Variants in MTHFD1L observed in about 807,000 individuals in gnomAD.
MTHFD1L encodes monofunctional C1-tetrahydrofolate synthase, mitochondrial.
In MTHFD1L, 81 loss-of-function variants were observed where a neutral mutation model predicts 119.5. The observed-to-expected ratio is 0.68, with a 90% CI of 0.57 to 0.82. The LOEUF (loss-of-function observed/expected upper bound fraction) is 0.82. Among genes scored for constraint, MTHFD1L ranks in the 40% least tolerant of loss-of-function variants. The pLI, the probability that MTHFD1L is intolerant of heterozygous loss-of-function variation, is 0.00. For synonymous variants in MTHFD1L, 430 were observed against 475.2 expected, an observed-to-expected ratio of 0.90 and a Z score of 1.24; for missense variants, 1,125 against 1,253.4, an observed-to-expected ratio of 0.90 and a Z score of 1.55.
chr6:150,868,516 T>C (rs1156464198), intron 1 of MTHFD1L, among the ~76,000 whole-genome samples: 1 of 151,446 alleles, frequency 6.6e-6, no homozygotes, highest in African/African-American at 2.4e-5. Flanking sequence ...ATTTTGTGTT[T>C]TTAGTAGAGA....
intron 24 of MTHFD1L, 67 bp downstream of exon 24, chr6:151,015,760 T>C: frequency 6.5e-7 from 1 of 1,547,282 alleles, no homozygotes; most frequent in Non-Finnish European, 8.8e-7. Context: ...CATTCTGTTG[T>C]CACCACAACC....
intron 7 of MTHFD1L, among the ~76,000 whole-genome samples, chr6:150,902,972 C>T (rs990703143): frequency 2.0e-5 from 3 of 152,120 alleles, no homozygotes; most frequent in African/African-American, 7.2e-5. Flanking sequence ...AGAACTGCGA[C>T]AAAGCTTAAA....
chr6:151,000,193 T>C (rs1780409937), intron 20 of MTHFD1L, among the ~76,000 whole-genome samples: 1 of 152,012 alleles, frequency 6.6e-6, no homozygotes, highest in Non-Finnish European at 1.5e-5. Context: ...AAAAATTAGC[T>C]GAGTGTGATG....
intron 19 of MTHFD1L, among the ~76,000 whole-genome samples, chr6:150,970,096 G>T (rs1052448793): frequency 1.3e-5 from 2 of 152,152 alleles, no homozygotes; most frequent in African/African-American, 4.8e-5. Context: ...AACACACCTG[G>T]TTGTTAGTCT....
chr6:151,047,317 T>C (rs974355744), intron 26 of MTHFD1L, among the ~76,000 whole-genome samples: 3 of 152,242 alleles, frequency 2.0e-5, no homozygotes, highest in African/African-American at 7.2e-5. Flanking sequence ...GAGAATTGGT[T>C]ATCACACTCT....
intron 11 of MTHFD1L, 130 bp from the exon 12 acceptor site, chr6:150,936,674 C>A: frequency 8.9e-7 from 1 of 1,118,340 alleles, no homozygotes; most frequent in Admixed American, 2.0e-5. Flanking sequence ...ACCATAATAG[C>A]CCGAGAAAAT....
chr6:150,878,646 CCTCTG>C (rs1780870300), intron 4 of MTHFD1L, among the ~76,000 whole-genome samples: 1 of 152,160 alleles, frequency 6.6e-6, no homozygotes, highest in Non-Finnish European at 1.5e-5. Flanking sequence ...GGCTCCTGTC[CCTCTG>C]CTCTGCCGCC....
In MTHFD1L at chr6:151,043,258, C is replaced by CTTTTTTT. The variant is rs1170553631; in HGVS notation, c.2847+6159_2847+6165dup. ...CTTCTTTCTTCTCACAGTGTTTTCTCTTTTTTTTTTTTTTTTTTTTTTTTG... is the reference window on the plus strand; with the variant it reads ...CTTCTTTCTTCTCACAGTGTTTTCTCTTTTTTTTTTTTTTTTTTTTTTTTTTTTTTTG... On this transcript the variant is annotated intron_variant, in intron 26 of 27. Coordinates refer to ENST00000367321, the MANE Select transcript of MTHFD1L (RefSeq NM_015440.5). Among the ~76,000 whole-genome samples, 102 of 78,886 alleles carry CTTTTTTT rather than the reference C, an allele frequency of 1.3e-3. 2 individuals carry two copies. Among genetic ancestry groups the CTTTTTTT allele is most frequent in the African/African-American group, 3.7e-3 (77 of 20,660 alleles). The allele number at this position is 78,886 out of a possible 152,430, so 51.8% of individuals were successfully genotyped here. A position where few individuals can be genotyped will look rare whatever the true frequency, so the allele number is the denominator to read the frequency against.
intron 26 of MTHFD1L, chr6:151,041,933 A>G (rs375360443): frequency 1.9e-4 from 75 of 404,564 alleles, no homozygotes; most frequent in South Asian, 1.4e-3. Flanking sequence ...CTAAATATTT[A>G]CTTTTACTTT....
intron 20 of MTHFD1L, among the ~76,000 whole-genome samples, chr6:150,992,463 A>T (rs1779183132): frequency 6.6e-6 from 1 of 152,242 alleles, no homozygotes; most frequent in South Asian, 2.1e-4. Flanking sequence ...GGATGAGCGC[A>T]TGGGATACTG....
chr6:150,876,508 A>G (rs9322291), intron 2 of MTHFD1L, among the ~76,000 whole-genome samples: 10,983 of 152,262 alleles, frequency 0.072, 588 homozygotes, highest in East Asian at 0.22. Context: ...GCTGGGGGAA[A>G]AAGTGGCACT....
At position 150,935,201 on chromosome 6, in the gene MTHFD1L, C is replaced by T. The variant is rs539463297; in HGVS notation, c.1257-1603C>T. 2.0e-5 allele frequency: 32 copies of T among 1,611,812 alleles called. No individual in the cohort carries two copies. The African/African-American group carries it at 4.0e-4, about 20-fold the overall frequency. On this transcript the variant is annotated intron_variant, in intron 11 of 27. Coordinates refer to ENST00000367321, the MANE Select transcript of MTHFD1L (RefSeq NM_015440.5). ...TTTTCACTTCTGGGATGTAGGTGGT[C>T]AGGAGAAATTAAGGCCACTGTGGAA...
chr6:151,082,902 C>T (rs1793346214), intron 26 of MTHFD1L, among the ~76,000 whole-genome samples: 1 of 152,194 alleles, frequency 6.6e-6, no homozygotes, highest in African/African-American at 2.4e-5. Context: ...TCCCCTGTCT[C>T]CCGATAATGC....
intron 26 of MTHFD1L, chr6:151,041,947 T>C (rs1359504990): frequency 5.0e-6 from 2 of 399,142 alleles, no homozygotes; most frequent in African/African-American, 4.2e-5. Flanking sequence ...TTACTTTCCA[T>C]GTTCACTTAT....
chr6:151,010,105 C>A, intron 21 of MTHFD1L, 147 bp downstream of exon 21: 1 of 952,358 alleles, frequency 1.1e-6, no homozygotes, highest in Non-Finnish European at 1.5e-6. Flanking sequence ...AGACCTCCCT[C>A]GTGGACATCT....
rs2179837 is a variant in MTHFD1L at position 151,009,792 on chromosome 6, G to A, written c.2126-27G>A. 6.4e-3 allele frequency: 10,286 copies of A among 1,612,678 alleles called. 579 individuals are homozygous for A. In the African/African-American group the frequency reaches 0.12, roughly 19 times the overall value. On this transcript the variant is annotated intron_variant, in intron 20 of 27. Coordinates refer to ENST00000367321, the MANE Select transcript of MTHFD1L (RefSeq NM_015440.5). ...CTACCTTTGTTTTTAGAAGATAATA[G>A]CACATATTCCACTTGCTTCCCCACA... is the stretch of plus-strand genomic sequence containing the variant.
chr6:150,870,784 G>A (rs976712768), intron 1 of MTHFD1L, among the ~76,000 whole-genome samples: 61 of 151,722 alleles, frequency 4.0e-4, no homozygotes, highest in Middle Eastern at 6.8e-3. Flanking sequence ...GGTGGTGTGC[G>A]CCTGTAGTCC....
chr6:150,918,319 T>C (rs1788335279), intron 8 of MTHFD1L, among the ~76,000 whole-genome samples: 1 of 152,178 alleles, frequency 6.6e-6, no homozygotes, highest in African/African-American at 2.4e-5. Flanking sequence ...TGCCTCGGCC[T>C]CCCAAAGTGC....
intron 26 of MTHFD1L, chr6:151,057,247 G>C: frequency 2.0e-6 from 2 of 984,926 alleles, no homozygotes; most frequent in Non-Finnish European, 2.4e-6. Flanking sequence ...AGGCAAACCT[G>C]CTCATGTTCT....
Sources: gnomAD v4.1 joint callset for allele counts (sites outside exome capture counted in the v4.1 genomes callset) on GRCh38, gnomAD v4.1.1 for gene constraint, MANE v1.5 for transcripts, NCBI Gene and HGNC (gene_info 2026-07-23, HGNC 2026-07-21) for gene names.